The following IL7 variants were observed in gnomAD, a reference collection of about 807,000 sequenced individuals.
IL7 encodes interleukin 7.
Under a neutral mutation model 21.6 loss-of-function variants are expected in IL7, and 3 were observed. The ratio of observed to expected loss-of-function variants is 0.14; its 90% CI spans 0.06 to 0.36. IL7 has a LOEUF of 0.36. Ranked by LOEUF, IL7 falls within the 10% of genes least tolerant of loss-of-function variation. The pLI is 1.00. For missense variants in IL7, 175 were observed against 200.2 expected (o/e 0.87, Z 0.76); for synonymous variants, 62 against 68.1 (o/e 0.91, Z 0.44).
At chr8:78,802,967 C>A (rs1489846711) in intron 1 of IL7, among the ~76,000 whole-genome samples, 3 of 152,010 alleles carry the variant, frequency 2.0e-5, no homozygotes, top group Non-Finnish European at 4.4e-5. Context: ...GAAAAAGAGA[C>A]TAAATATTTG....
At chr8:78,783,553 C>T (rs1450311115) in intron 2 of IL7, among the ~76,000 whole-genome samples, 1 of 152,066 alleles carries the variant, frequency 6.6e-6, no homozygotes, top group Non-Finnish European at 1.5e-5. Flanking sequence ...CCAGCTCTCA[C>T]TCATTAGTCT....
At chr8:78,699,936 G>C (rs1810547427) in intron 3 of IL7, among the ~76,000 whole-genome samples, 1 of 152,060 alleles carries the variant, frequency 6.6e-6, no homozygotes, top group South Asian at 2.1e-4. Flanking sequence ...ACATATGTGT[G>C]TGTCTTTATA....
chr8:78,775,977 C>G (rs970814964), intron 2 of IL7, among the ~76,000 whole-genome samples: 2 of 152,004 alleles, frequency 1.3e-5, no homozygotes, highest in African/African-American at 4.8e-5. Context: ...CTTTCCAAGG[C>G]CACCAGTGGA....
At chr8:78,794,922 G>A (rs537699432) in intron 2 of IL7, among the ~76,000 whole-genome samples, 25 of 151,972 alleles carry the variant, frequency 1.6e-4, no homozygotes, top group African/African-American at 6.0e-4. Flanking sequence ...TACACAAATG[G>A]GTTTTTCATA....
intron 2 of IL7, chr8:78,760,835 T>C (rs1812528279): frequency 6.4e-7 from 1 of 1,553,436 alleles, no homozygotes; most frequent in South Asian, 1.2e-5. Context: ...AAATTCATTA[T>C]AAACTTCAAT....
At chr8:78,728,699 A>T (rs1379521509), downstream of IL7, among the ~76,000 whole-genome samples, 1 of 152,046 alleles carries the variant, frequency 6.6e-6, no homozygotes, top group Non-Finnish European at 1.5e-5. Context: ...TCTCCAAGAA[A>T]CAAAGTATAG....
At chr8:78,771,468 G>A (rs972382872) in intron 2 of IL7, among the ~76,000 whole-genome samples, 1 of 152,012 alleles carries the variant, frequency 6.6e-6, no homozygotes, top group East Asian at 1.9e-4. Flanking sequence ...ATAGGCAAAG[G>A]AATTATCATT....
At chr8:78,724,881 G>A (rs984116332) in intron 3 of IL7, among the ~76,000 whole-genome samples, 1 of 151,822 alleles carries the variant, frequency 6.6e-6, no homozygotes, top group Non-Finnish European at 1.5e-5. Flanking sequence ...AGGTCTTATC[G>A]TTTATTGGCT....
chr8:78,714,248 C>T (rs1418403367), downstream of IL7, among the ~76,000 whole-genome samples: 4 of 152,090 alleles, frequency 2.6e-5, no homozygotes, highest in Non-Finnish European at 4.4e-5. Flanking sequence ...CTCTTTACCT[C>T]ATTTGTCTTA....
chr8:78,782,910 C>T (rs530301886), intron 2 of IL7, among the ~76,000 whole-genome samples: 3 of 152,154 alleles, frequency 2.0e-5, no homozygotes, highest in African/African-American at 4.8e-5. Context: ...AGGGAGGCCA[C>T]ATGCAGTGAA....
chr8:78,802,179 C>G (rs979136358), intron 1 of IL7, among the ~76,000 whole-genome samples: 1 of 152,110 alleles, frequency 6.6e-6, no homozygotes, highest in East Asian at 1.9e-4. Flanking sequence ...ACATTCAATC[C>G]TCAGCTGCTT....
intron 5 of IL7, 130 bp from the exon 6 acceptor site, chr8:78,733,962 A>G (rs1811492793): frequency 3.3e-6 from 2 of 612,172 alleles, no homozygotes; most frequent in Admixed American, 4.2e-5. Flanking sequence ...CCTGTGTGAC[A>G]TTTTAAAGAC....
rs569262013 is a variant in IL7 at position 78,794,908 on chromosome 8, C to T, written c.147+3164G>A. On this transcript the variant is annotated intron_variant, in intron 2 of 5. Coordinates refer to ENST00000263851, the MANE Select transcript of IL7 (RefSeq NM_000880.4). ...TTCTATCCACACCCAAACCCAACATCACCTACACAAATGGGTTTTTCATAG... is the reference window on the plus strand; with the variant it reads ...TTCTATCCACACCCAAACCCAACATTACCTACACAAATGGGTTTTTCATAG... 5.3e-5 allele frequency among the ~76,000 whole-genome samples: 8 copies of T among 152,208 alleles called. No homozygotes were observed. The South Asian group carries it at 1.7e-3, about 31-fold the overall frequency.
At chr8:78,724,303 G>A (rs183649079) in intron 3 of IL7, among the ~76,000 whole-genome samples, 3 of 152,002 alleles carry the variant, frequency 2.0e-5, no homozygotes, top group Admixed American at 2.0e-4. Context: ...TATTTAAGAG[G>A]TATGTTGCCA....
chr8:78,728,760 T>C (rs1177216615), downstream of IL7, among the ~76,000 whole-genome samples: 1 of 151,962 alleles, frequency 6.6e-6, no homozygotes, highest in African/African-American at 2.4e-5. Context: ...TGGCATCTAA[T>C]GGGTGCAGAC....
intron 2 of IL7, chr8:78,760,279 A>G: frequency 1.9e-6 from 3 of 1,606,226 alleles, no homozygotes. Flanking sequence ...AAGTTACTTG[A>G]CCTTTGGTCT....
At chr8:78,771,627 G>C (rs577438975) in intron 2 of IL7, among the ~76,000 whole-genome samples, 7 of 152,122 alleles carry the variant, frequency 4.6e-5, no homozygotes, top group Non-Finnish European at 8.8e-5. Context: ...TTCAACTGGG[G>C]TCTTTTCAGT....
intron 3 of IL7, among the ~76,000 whole-genome samples, chr8:78,721,682 C>T (rs533167072): frequency 6.6e-6 from 1 of 152,032 alleles, no homozygotes; most frequent in African/African-American, 2.4e-5. Flanking sequence ...AACTTAAAAC[C>T]TGTCATGGGG....
intron 2 of IL7, among the ~76,000 whole-genome samples, chr8:78,787,570 G>A (rs1813554151): frequency 6.6e-6 from 1 of 152,094 alleles, no homozygotes; most frequent in Admixed American, 6.5e-5. Context: ...TTTACCTTTT[G>A]TTAAAGTGCA....
Sources: allele counts gnomAD v4.1 joint callset (sites outside exome capture counted in the v4.1 genomes callset), GRCh38; gene constraint gnomAD v4.1.1; transcripts MANE v1.5; gene names NCBI Gene and HGNC (gene_info 2026-07-23, HGNC 2026-07-21).